The following SH3YL1 variants were observed in gnomAD, a reference collection of about 807,000 sequenced individuals.
SH3YL1 encodes SH3 and SYLF domain containing 1.
Under a neutral mutation model 45.8 loss-of-function variants are expected in SH3YL1, and 41 were observed. The observed-to-expected ratio is 0.89, with a 90% CI of 0.70 to 1.16. The LOEUF (loss-of-function observed/expected upper bound fraction) is 1.16. Among genes scored for constraint, SH3YL1 ranks in the 50% most tolerant of loss-of-function variants. The pLI is 0.00. For synonymous variants in SH3YL1, 152 were observed against 151.4 expected (o/e 1.00, Z -0.03); for missense variants, 389 against 409.6 (o/e 0.95, Z 0.43).
intron 1 of SH3YL1, 34 bp downstream of exon 1, chr2:263,950 G>T: frequency 6.7e-7 from 1 of 1,489,218 alleles, no homozygotes; most frequent in Non-Finnish European, 9.1e-7. Flanking sequence ...AGAGGGGAGG[G>T]TGCTGCCGGA....
In SH3YL1 at chr2:234,279, T is replaced by C; in HGVS notation, c.292-7A>G. On this transcript the variant is annotated splice_region_variant and splice_polypyrimidine_tract_variant and intron_variant, in intron 4 of 9. Transcript: ENST00000356150. ...TTATCACCAAGTCTGATACCTAAAG[T>C]GTAGAAACCCATGGATTTAAAAATC... 6.3e-7 allele frequency: 1 copy of C among 1,592,084 alleles called. No homozygotes were observed. The highest frequency in any genetic ancestry group is 1.8e-5 in the Admixed American group (1 of 55,472).
At chr2:252,418 A>G (rs144476527) in intron 2 of SH3YL1, among the ~76,000 whole-genome samples, 188 of 152,288 alleles carry the variant, frequency 1.2e-3, no homozygotes, top group African/African-American at 4.3e-3. Context: ...GAGCAGGAAC[A>G]TGTGGTGTTT....
chr2:223,897 G>C lies in SH3YL1; in HGVS notation c.838+967C>G, dbSNP rs139955870. On this transcript the variant is annotated intron_variant, in intron 9 of 9. Coordinates refer to ENST00000356150, the MANE Select transcript of SH3YL1 (RefSeq NM_015677.4). ...ACACTGGAGTGGGCTCCCAGAAGGG[G>C]AGGCCAGGGTGAAAAGAAAGGTCAC... Among the ~76,000 whole-genome samples, 750 of 152,268 alleles carry C rather than the reference G, an allele frequency of 4.9e-3. 6 individuals are homozygous for C. The highest frequency in any genetic ancestry group is 0.017 in the African/African-American group (704 of 41,538).
intron 4 of SH3YL1, among the ~76,000 whole-genome samples, chr2:245,663 T>C (rs1349995966): frequency 6.6e-6 from 1 of 152,126 alleles, no homozygotes; most frequent in Non-Finnish European, 1.5e-5. Context: ...CAGTCTTCTC[T>C]CTTACAGCTC....
At chr2:244,314 G>T (rs1489420948) in intron 4 of SH3YL1, among the ~76,000 whole-genome samples, 6 of 152,038 alleles carry the variant, frequency 3.9e-5, no homozygotes, top group Non-Finnish European at 7.4e-5. Flanking sequence ...GGCTGACACA[G>T]TGAAACCCCA....
chr2:233,547 C>T (rs1668154413), intron 5 of SH3YL1, among the ~76,000 whole-genome samples: 1 of 152,186 alleles, frequency 6.6e-6, no homozygotes, highest in Non-Finnish European at 1.5e-5. Flanking sequence ...ACCGGATCTT[C>T]CTCTCTTAAA....
intron 8 of SH3YL1, among the ~76,000 whole-genome samples, chr2:228,714 A>T (rs1156320696): frequency 6.6e-6 from 1 of 152,214 alleles, no homozygotes; most frequent in Non-Finnish European, 1.5e-5. Flanking sequence ...CCAGAAGAAC[A>T]GGAGACAGAC....
rs541080184 is a variant in SH3YL1 at position 262,622 on chromosome 2, G to C, written c.1+1362C>G. The C allele has an allele frequency of 4.8e-4, 632 of 1,304,220 alleles. 1 individual carries two copies. Among genetic ancestry groups the C allele is most frequent in the Non-Finnish European group, 5.5e-4 (547 of 988,944 alleles). The allele number at this position is 1,304,220 out of a possible 1,614,324, so 80.8% of individuals were successfully genotyped here. On this transcript the variant is annotated intron_variant, in intron 1 of 9. Coordinates refer to ENST00000356150, the MANE Select transcript of SH3YL1 (RefSeq NM_015677.4). ...GCAGAGAATTTTGTCTTATCATGAC[G>C]CCACTCACTGGCAAACAAGCTGGCG...
chr2:249,484 G>T (rs757468466), intron 3 of SH3YL1, among the ~76,000 whole-genome samples: 9 of 152,190 alleles, frequency 5.9e-5, no homozygotes, highest in Non-Finnish European at 1.0e-4. Flanking sequence ...CAAAATGCAT[G>T]CAAAACAAAG....
At chr2:224,079 G>A (rs754841243) in intron 9 of SH3YL1, among the ~76,000 whole-genome samples, 5 of 152,204 alleles carry the variant, frequency 3.3e-5, no homozygotes, top group South Asian at 2.1e-4. Flanking sequence ...TTAATTCTCC[G>A]ACAGTTTTAT....
chr2:221,238 G>A (rs540764293), intron 9 of SH3YL1, among the ~76,000 whole-genome samples: 11 of 152,246 alleles, frequency 7.2e-5, no homozygotes, highest in South Asian at 2.1e-4. Context: ...GACATTTATC[G>A]GAGCATTTTA....
chr2:263,946 GA>G, intron 1 of SH3YL1, 37 bp downstream of exon 1: 1 of 1,481,418 alleles, frequency 6.8e-7, no homozygotes, highest in African/African-American at 1.4e-5. Context: ...CTTGAGAGGG[GA>G]GGGTGCTGCC....
At chr2:264,357 C>T (rs920947335), upstream of SH3YL1, 2 of 255,628 alleles carry the variant, frequency 7.8e-6, no homozygotes, top group African/African-American at 4.5e-5. Context: ...CCGCCCAGCC[C>T]CTCTATGCGA....
intron 9 of SH3YL1, among the ~76,000 whole-genome samples, chr2:219,308 C>A (rs754477892): frequency 3.3e-5 from 5 of 152,028 alleles, no homozygotes; most frequent in Non-Finnish European, 5.9e-5. Flanking sequence ...ATGTCTGTGT[C>A]CCCCTGAGAT....
At chr2:263,884 C>A in intron 1 of SH3YL1, 100 bp downstream of exon 1, 1 of 1,032,416 alleles carries the variant, frequency 9.7e-7, no homozygotes. Flanking sequence ...ACCTAGAAAC[C>A]CCAGAGGCAT....
intron 8 of SH3YL1, among the ~76,000 whole-genome samples, chr2:227,450 C>T (rs907338076): frequency 2.0e-5 from 3 of 151,922 alleles, no homozygotes; most frequent in African/African-American, 7.3e-5. Context: ...AATGAGTAAA[C>T]TATATACATT....
At chr2:252,902 G>T in intron 2 of SH3YL1, 103 bp downstream of exon 2, 1 of 669,030 alleles carries the variant, frequency 1.5e-6, no homozygotes, top group Non-Finnish European at 2.6e-6. Context: ...CTACTTGTTG[G>T]CATTGATGGA....
intron 1 of SH3YL1, chr2:260,086 A>G (rs1309241947): frequency 6.6e-6 from 1 of 152,314 alleles, no homozygotes; most frequent in East Asian, 1.9e-4. Flanking sequence ...AATACTCACC[A>G]ATACTACTGT....
intron 1 of SH3YL1, among the ~76,000 whole-genome samples, chr2:261,893 G>A (rs762944890): frequency 7.2e-5 from 11 of 152,140 alleles, no homozygotes; most frequent in Non-Finnish European, 1.2e-4. Context: ...AGGAAAGCAA[G>A]CTTACTAAAT....
Sources: allele counts gnomAD v4.1 joint callset (sites outside exome capture counted in the v4.1 genomes callset), GRCh38; gene constraint gnomAD v4.1.1; transcripts MANE v1.5; gene names NCBI Gene and HGNC (gene_info 2026-07-23, HGNC 2026-07-21).